MAGI2: variants seen among roughly 807,000 people sequenced by gnomAD.
MAGI2 encodes membrane associated guanylate kinase, WW and PDZ domain containing 2.
Under a neutral mutation model 133.3 loss-of-function variants are expected in MAGI2, and 35 were observed. The observed-to-expected ratio is 0.26, with a 90% CI of 0.20 to 0.35. The LOEUF is 0.35. Ranked by LOEUF, MAGI2 falls within the 10% of genes least tolerant of loss-of-function variation. The probability of loss-of-function intolerance (pLI) is 1.00; values close to 1 mark genes in which losing one functional copy is unlikely to be tolerated. For synonymous variants in MAGI2, 729 were observed against 710.6 expected (o/e 1.03, Z -0.41); for missense variants, 1,636 against 1,863.4 (o/e 0.88, Z 2.25).
chr7:78,928,927 TCTA>T, intron 2 of MAGI2, among the ~76,000 whole-genome samples: 1 of 152,166 alleles, frequency 6.6e-6, no homozygotes, highest in South Asian at 2.1e-4. Context: ...GTCCCTTTGA[TCTA>T]CAATGAAATT....
At chr7:78,194,762 A>G in intron 12 of MAGI2, 112 bp downstream of exon 12, 1 of 907,358 alleles carries the variant, frequency 1.1e-6, no homozygotes. Flanking sequence ...CTCTTGAAAC[A>G]CTTTTGAAAC....
chr7:78,944,593 GA>G (rs1801257231), intron 2 of MAGI2, among the ~76,000 whole-genome samples: 1 of 151,918 alleles, frequency 6.6e-6, no homozygotes, highest in African/African-American at 2.4e-5. Flanking sequence ...GACACTCCAG[GA>G]AAAGGCACCA....
At chr7:79,089,179 T>C (rs1816818152) in intron 1 of MAGI2, among the ~76,000 whole-genome samples, 1 of 152,086 alleles carries the variant, frequency 6.6e-6, no homozygotes, top group Non-Finnish European at 1.5e-5. Flanking sequence ...ACGACATTTA[T>C]GCAGCCAACA....
intron 1 of MAGI2, among the ~76,000 whole-genome samples, chr7:79,343,107 T>C (rs1253681404): frequency 2.0e-5 from 3 of 152,164 alleles, no homozygotes; most frequent in South Asian, 2.1e-4. Flanking sequence ...TGAGGCATAA[T>C]TGAAATACAA....
At chr7:78,976,834 A>T (rs535538198) in intron 2 of MAGI2, among the ~76,000 whole-genome samples, 5 of 151,740 alleles carry the variant, frequency 3.3e-5, no homozygotes, top group South Asian at 2.1e-4. Flanking sequence ...ATTTGAAATT[A>T]AAAAAATACC....
chr7:78,484,012 C>T (rs1027034656), intron 6 of MAGI2: 1 of 151,822 alleles, frequency 6.6e-6, no homozygotes, highest in Non-Finnish European at 1.5e-5. Context: ...TTAATTTGGT[C>T]ATACTTAATC....
chr7:78,404,852 C>T (rs984242786), intron 6 of MAGI2, among the ~76,000 whole-genome samples: 1 of 152,068 alleles, frequency 6.6e-6, no homozygotes, highest in Non-Finnish European at 1.5e-5. Context: ...TTCTGCACAG[C>T]AAAAGAAACT....
chr7:78,141,493 G>A (rs115670478), intron 16 of MAGI2, among the ~76,000 whole-genome samples: 205 of 152,146 alleles, frequency 1.3e-3, no homozygotes, highest in African/African-American at 4.9e-3. Context: ...GTGGAGATGT[G>A]GGAAAAAACA....
intron 3 of MAGI2, among the ~76,000 whole-genome samples, chr7:78,558,837 G>GTTTTTTT (rs10691115): frequency 2.3e-5 from 3 of 130,052 alleles, no homozygotes; most frequent in Non-Finnish European, 3.2e-5. Flanking sequence ...TTGAGACACC[G>GTTTTTTT]TTTTTTTTTT....
At chr7:78,610,300 A>T (rs1806297766) in intron 3 of MAGI2, among the ~76,000 whole-genome samples, 1 of 152,180 alleles carries the variant, frequency 6.6e-6, no homozygotes, top group Admixed American at 6.5e-5. Flanking sequence ...GGAGGAGGAC[A>T]GGCTGACTTG....
At chr7:79,244,415 G>A (rs1832666719) in intron 1 of MAGI2, among the ~76,000 whole-genome samples, 1 of 152,196 alleles carries the variant, frequency 6.6e-6, no homozygotes, top group Non-Finnish European at 1.5e-5. Context: ...TCCAGCATTG[G>A]CCACCTGGTG....
chr7:78,896,715 G>A (rs1419689675), intron 2 of MAGI2, among the ~76,000 whole-genome samples: 4 of 151,810 alleles, frequency 2.6e-5, no homozygotes, highest in African/African-American at 7.3e-5. Flanking sequence ...CTACAGATGC[G>A]TGCCACTACG....
intron 1 of MAGI2, among the ~76,000 whole-genome samples, chr7:79,332,095 C>T (rs541282587): frequency 3.9e-5 from 6 of 152,128 alleles, no homozygotes; most frequent in South Asian, 2.1e-4. Flanking sequence ...ATATTCACTT[C>T]GTTAGTTAGG....
intron 1 of MAGI2, among the ~76,000 whole-genome samples, chr7:79,424,271 T>A (rs1311248209): frequency 1.3e-5 from 2 of 151,886 alleles, no homozygotes; most frequent in Non-Finnish European, 2.9e-5. Context: ...TTTTTTTTTT[T>A]AATTTGATGC....
intron 20 of MAGI2, among the ~76,000 whole-genome samples, chr7:78,088,487 A>G (rs1172620979): frequency 1.3e-5 from 2 of 152,178 alleles, no homozygotes; most frequent in Admixed American, 1.3e-4. Flanking sequence ...AAGATAATTT[A>G]ATGATGGGAC....
intron 6 of MAGI2, among the ~76,000 whole-genome samples, chr7:78,447,451 T>C (rs1405077865): frequency 6.6e-6 from 1 of 151,960 alleles, no homozygotes; most frequent in African/African-American, 2.4e-5. Flanking sequence ...GGATTTTTGG[T>C]AGAAATTATC....
intron 20 of MAGI2, among the ~76,000 whole-genome samples, chr7:78,124,842 G>C (rs1027094334): frequency 4.7e-5 from 7 of 148,126 alleles, no homozygotes; most frequent in Non-Finnish European, 8.9e-5. Context: ...ACTTTAATTG[G>C]AAAATTTCTA....
intron 2 of MAGI2, among the ~76,000 whole-genome samples, chr7:78,713,999 C>CT (rs140687855): frequency 3.7e-3 from 530 of 144,684 alleles, no homozygotes; most frequent in East Asian, 5.5e-3. Context: ...CTGCCACATT[C>CT]TTTTTTTTTT....
At chr7:78,298,810 G>GT (rs71085520) in intron 9 of MAGI2, among the ~76,000 whole-genome samples, 2,935 of 79,602 alleles carry the variant, frequency 0.037, 151 homozygotes, top group African/African-American at 0.056. Context: ...TGGCCTAAAC[G>GT]TTTTTTTTTT....
Sources: allele counts gnomAD v4.1 joint callset (sites outside exome capture counted in the v4.1 genomes callset), GRCh38; gene constraint gnomAD v4.1.1; transcripts MANE v1.5; gene names NCBI Gene and HGNC (gene_info 2026-07-23, HGNC 2026-07-21).